CSMD1: variants seen among roughly 807,000 people sequenced by gnomAD.
The protein encoded by CSMD1 is CUB and sushi domain-containing protein 1.
In CSMD1, 213 loss-of-function variants were observed where a neutral mutation model predicts 417.5. The ratio of observed to expected loss-of-function variants is 0.51; its 90% CI spans 0.46 to 0.57. The LOEUF (loss-of-function observed/expected upper bound fraction) is 0.57, where lower values mean the gene tolerates loss of function less well. Ranked by LOEUF, CSMD1 falls within the 20% of genes least tolerant of loss-of-function variation. The pLI is 0.00. For missense variants in CSMD1, 6,923 were observed against 4,529.7 expected (o/e 1.53, Z -15.17); for synonymous variants, 2,862 against 1,736.8 (o/e 1.65, Z -16.11).
intron 5 of CSMD1, among the ~76,000 whole-genome samples, chr8:3,984,307 T>C (rs902629084): frequency 7.9e-5 from 12 of 152,164 alleles, no homozygotes; most frequent in African/African-American, 2.9e-4. Context: ...TGCACAGAGT[T>C]TACTGAGCCA....
chr8:4,677,130 A>T (rs1391184799), intron 1 of CSMD1, among the ~76,000 whole-genome samples: 1 of 147,842 alleles, frequency 6.8e-6, no homozygotes, highest in African/African-American at 2.5e-5. Flanking sequence ...AATATATATG[A>T]TACATAAAAT....
At chr8:4,285,834 G>C (rs1379762777) in intron 3 of CSMD1, among the ~76,000 whole-genome samples, 1 of 152,092 alleles carries the variant, frequency 6.6e-6, no homozygotes, top group African/African-American at 2.4e-5. Context: ...ATGTGTCCTT[G>C]GCTATTTTAA....
At chr8:3,575,856 TTA>T (rs1800130079) in intron 9 of CSMD1, among the ~76,000 whole-genome samples, 1 of 147,302 alleles carries the variant, frequency 6.8e-6, no homozygotes, top group African/African-American at 2.5e-5. Flanking sequence ...TTTTTTTTTT[TTA>T]AATCAATACA....
intron 2 of CSMD1, among the ~76,000 whole-genome samples, chr8:4,538,544 G>A (rs1797223625): frequency 6.6e-6 from 1 of 152,044 alleles, no homozygotes; most frequent in Admixed American, 6.6e-5. Flanking sequence ...TTGGGAGGCT[G>A]AGGCAGGAGA....
intron 3 of CSMD1, among the ~76,000 whole-genome samples, chr8:4,220,617 C>G (rs1187929042): frequency 1.3e-5 from 2 of 152,004 alleles, no homozygotes; most frequent in African/African-American, 4.8e-5. Context: ...AGAGGAAGGA[C>G]CAGTGGTATA....
At chr8:4,750,593 T>C (rs1156258463) in intron 1 of CSMD1, among the ~76,000 whole-genome samples, 1 of 152,084 alleles carries the variant, frequency 6.6e-6, no homozygotes, top group African/African-American at 2.4e-5. Context: ...TTCTGAGTGG[T>C]TCGTGATCCA....
At position 3,411,881 on chromosome 8, in the gene CSMD1, T is replaced by TGC. The variant is rs796555382; in HGVS notation, c.1562-2277_1562-2276insGC. On this transcript the variant is annotated intron_variant, in intron 12 of 69. Coordinates refer to ENST00000635120, the MANE Select transcript of CSMD1 (RefSeq NM_033225.6). ...ATGCACGTATATATGCACGTATATATACACGTATATATGCACGTATATATA... is the reference window on the plus strand; with the variant it reads ...ATGCACGTATATATGCACGTATATATGCACACGTATATATGCACGTATATATA... Among the ~76,000 whole-genome samples the TGC allele has an allele frequency of 4.4e-4, 45 of 101,696 alleles. 2 individuals carry two copies. Among genetic ancestry groups the TGC allele is most frequent in the East Asian group, 1.5e-3 (4 of 2,632 alleles). The allele number at this position is 101,696 out of a possible 152,430, so 66.7% of individuals were successfully genotyped here. A position where few individuals can be genotyped will look rare whatever the true frequency, so the allele number is the denominator to read the frequency against.
intron 10 of CSMD1, among the ~76,000 whole-genome samples, chr8:3,564,439 T>A (rs1217771902): frequency 4.6e-5 from 7 of 152,122 alleles, no homozygotes; most frequent in Admixed American, 2.0e-4. Flanking sequence ...TGTGCTGTTA[T>A]TCTTTACCTC....
At chr8:4,196,255 G>A (rs948714023) in intron 3 of CSMD1, among the ~76,000 whole-genome samples, 1 of 152,132 alleles carries the variant, frequency 6.6e-6, no homozygotes, top group African/African-American at 2.4e-5. Flanking sequence ...CGTCTGCTGT[G>A]TCAAGCCACT....
chr8:3,642,641 C>T (rs932740055), intron 7 of CSMD1, among the ~76,000 whole-genome samples: 26 of 152,010 alleles, frequency 1.7e-4, no homozygotes, highest in African/African-American at 5.8e-4. Context: ...GGCAGGTTAA[C>T]GGACGGTCGA....
intron 37 of CSMD1, among the ~76,000 whole-genome samples, chr8:3,178,634 A>C (rs1821090187): frequency 6.6e-6 from 1 of 152,226 alleles, no homozygotes; most frequent in Non-Finnish European, 1.5e-5. Flanking sequence ...CAGTTGGAAG[A>C]AATGAGCAGA....
chr8:3,423,453 T>C (rs1037477961), intron 12 of CSMD1, among the ~76,000 whole-genome samples: 3 of 152,258 alleles, frequency 2.0e-5, no homozygotes, highest in Admixed American at 2.0e-4. Flanking sequence ...CTCTGGTTTC[T>C]TTCACTGAGT....
Position 3,388,896 on chromosome 8 carries a change from TACACACACAC to T in CSMD1, c.2594-1224_2594-1215del, listed in dbSNP as rs6150441. Among the ~76,000 whole-genome samples the T allele has an allele frequency of 6.3e-3, 936 of 147,736 alleles. 10 individuals carry two copies. The highest frequency in any genetic ancestry group is 0.019 in the Admixed American group (278 of 14,856). On this transcript the variant is annotated intron_variant, in intron 17 of 69. Transcript: ENST00000635120. ...TCTACATACACACCACACACATGCA[TACACACACAC>T]ACACACACACACACACACACACACA... is the stretch of plus-strand genomic sequence containing the variant.
chr8:3,536,438 T>C (rs1177994455), intron 10 of CSMD1, among the ~76,000 whole-genome samples: 1 of 152,206 alleles, frequency 6.6e-6, no homozygotes, highest in Admixed American at 6.5e-5. Flanking sequence ...GAAAGCAGGT[T>C]CACCAATGGG....
At chr8:4,941,877 G>A (rs1285835964) in intron 1 of CSMD1, among the ~76,000 whole-genome samples, 1 of 152,172 alleles carries the variant, frequency 6.6e-6, no homozygotes, top group African/African-American at 2.4e-5. Context: ...TAGGATTACA[G>A]GTGTGAGCCA....
chr8:4,357,379 A>G (rs1801490924), intron 3 of CSMD1, among the ~76,000 whole-genome samples: 1 of 152,186 alleles, frequency 6.6e-6, no homozygotes, highest in Non-Finnish European at 1.5e-5. Context: ...ACTGTATTTC[A>G]TCAAATAATT....
At chr8:3,214,139 C>T (rs572561155) in intron 30 of CSMD1, among the ~76,000 whole-genome samples, 24 of 152,072 alleles carry the variant, frequency 1.6e-4, no homozygotes, top group East Asian at 7.7e-4. Context: ...CTACCACGCC[C>T]GGCTAGAAGT....
chr8:4,052,887 T>C (rs550624311), intron 3 of CSMD1, among the ~76,000 whole-genome samples: 94 of 152,252 alleles, frequency 6.2e-4, no homozygotes, highest in Middle Eastern at 3.4e-3. Context: ...CAGTAGTCCA[T>C]AGACCACAAT....
At chr8:3,077,201 G>A (rs775057610) in intron 49 of CSMD1, among the ~76,000 whole-genome samples, 2 of 152,092 alleles carry the variant, frequency 1.3e-5, no homozygotes, top group Non-Finnish European at 2.9e-5. Flanking sequence ...TTTAAACTTT[G>A]CAAGGTGAGA....
Sources: allele counts gnomAD v4.1 joint callset (sites outside exome capture counted in the v4.1 genomes callset), GRCh38; gene constraint gnomAD v4.1.1; transcripts MANE v1.5; gene names NCBI Gene and HGNC (gene_info 2026-07-23, HGNC 2026-07-21).